Variants in HSF2 observed in about 807,000 individuals in gnomAD.
HSF2 encodes heat shock transcription factor 2, also known as heat shock factor protein 2.
In HSF2, 21 loss-of-function variants were observed where a neutral mutation model predicts 65.0. The observed-to-expected ratio is 0.32, with a 90% CI of 0.23 to 0.47. The LOEUF (loss-of-function observed/expected upper bound fraction) is 0.47, where lower values mean the gene tolerates loss of function less well. HSF2 is among the 20% of genes least tolerant of loss of function. HSF2 has a pLI of 1.00. For synonymous variants in HSF2, 225 were observed against 219.1 expected (o/e 1.03, Z -0.24); for missense variants, 499 against 628.1 (o/e 0.79, Z 2.20).
rs752436093 is a variant in HSF2, at chr6:122,420,156, T to C, written c.615T>C (p.Asn205=). Residue 205 remains asparagine, a synonymous_variant, in exon 7 of 13, where the codon AAT becomes AAC. Coordinates refer to ENST00000368455, the MANE Select transcript of HSF2 (RefSeq NM_004506.4). ...KRKRPLLLNT[N]GAQKKNLFQH... ...TCAGGCCTCTACTTCTAAACACTAA[T>C]GGAGCCCAAAAGAAGAACCTGTTTC... is the stretch of plus-strand genomic sequence containing the variant. 1 of 1,611,118 alleles carries C rather than the reference T, an allele frequency of 6.2e-7. No homozygotes were observed. The highest frequency in any genetic ancestry group is 8.5e-7 in the Non-Finnish European group (1 of 1,178,316).
chr6:122,401,607 A>C (rs538622712), intron 1 of HSF2, among the ~76,000 whole-genome samples: 60 of 152,336 alleles, frequency 3.9e-4, no homozygotes, highest in African/African-American at 1.3e-3. Flanking sequence ...CCAAATAAAC[A>C]AGCCACTTAA....
intron 11 of HSF2, 88 bp downstream of exon 11, chr6:122,428,044 C>A: frequency 1.4e-6 from 1 of 719,186 alleles, no homozygotes; most frequent in Non-Finnish European, 2.3e-6. Context: ...TCACTCCCAG[C>A]CACAAAAAGC....
At chr6:122,427,982 G>T (rs771437066) in intron 11 of HSF2, 26 bp downstream of exon 11, 2 of 1,491,810 alleles carry the variant, frequency 1.3e-6, no homozygotes, top group East Asian at 4.7e-5. Context: ...TGTTGCTCAG[G>T]ACCCATAGCT....
rs142200038 is a variant in HSF2 at position 122,432,071 on chromosome 6, G to T, written c.1462G>T (p.Asp488Tyr). The T allele has an allele frequency of 9.3e-6, 15 of 1,613,950 alleles. No individual in the cohort carries two copies. The highest frequency in any genetic ancestry group is 1.2e-5 in the Non-Finnish European group (14 of 1,179,976). ...DKPIEVDELL[D>Y]SSLDPEPTQS... is the part of the protein sequence containing the mutation. ...ACCCATAGAAGTTGATGAGCTTCTG[G>T]ATAGCAGCCTAGACCCAGAACCAAC... The change falls in exon 13 of 13, where the codon GAT (aspartate) becomes TAT (tyrosine). Residue 488 changes from aspartate to tyrosine, a missense_variant. By Grantham distance (160) the Asp-to-Tyr change is radical. Around this residue, in one of 2 missense-constraint regions of HSF2, gnomAD observed 349 missense variants for 393.5 expected, o/e 0.89. Transcript: ENST00000368455.
chr6:122,424,408 T>C (rs1364919793), intron 10 of HSF2, among the ~76,000 whole-genome samples: 2 of 152,092 alleles, frequency 1.3e-5, no homozygotes, highest in Non-Finnish European at 2.9e-5. Flanking sequence ...AAAATTTTGT[T>C]GTCTTTTTTT....
intron 11 of HSF2, among the ~76,000 whole-genome samples, chr6:122,429,051 A>C (rs549000192): frequency 3.3e-5 from 5 of 152,238 alleles, no homozygotes; most frequent in Non-Finnish European, 4.4e-5. Context: ...AATATGTAAA[A>C]GAATGTGTGG....
chr6:122,411,577 TTTGA>T (rs1259022644), intron 1 of HSF2, among the ~76,000 whole-genome samples: 1 of 151,966 alleles, frequency 6.6e-6, no homozygotes, highest in African/African-American at 2.4e-5. Flanking sequence ...TGTTTAGGTC[TTTGA>T]TTGATTTGAA....
rs1266216322 is a variant in HSF2 at position 122,432,977 on chromosome 6, G to A, written c.*757G>A. The A allele has an allele frequency of 6.6e-6, 1 of 152,090 alleles. No homozygotes were observed. The highest frequency in any genetic ancestry group is 1.5e-5 in the Non-Finnish European group (1 of 68,000). 9.4% of individuals were successfully genotyped at this position (152,090 alleles called of 1,614,324 possible). Reference sequence around the variant, plus strand: ...TGTTGAGTACTAGTGTCTGTTATGTGTCTTCTTTAGAGGTGACACTCACAT... The same window carrying A: ...TGTTGAGTACTAGTGTCTGTTATGTATCTTCTTTAGAGGTGACACTCACAT... On this transcript the variant is annotated 3_prime_UTR_variant, in exon 13 of 13. Coordinates refer to ENST00000368455, the MANE Select transcript of HSF2 (RefSeq NM_004506.4).
chr6:122,412,541 T>C, intron 2 of HSF2, 60 bp downstream of exon 2: 1 of 1,548,252 alleles, frequency 6.5e-7, no homozygotes. Flanking sequence ...AGCCATTTTT[T>C]TTCCCATTAG....
intron 1 of HSF2, among the ~76,000 whole-genome samples, chr6:122,409,840 G>A (rs772081179): frequency 4.6e-5 from 7 of 151,834 alleles, no homozygotes; most frequent in Non-Finnish European, 1.0e-4. Flanking sequence ...GTCTCCAAAA[G>A]CTTGCTTGTA....
chr6:122,422,450 A>T (rs1009780821), intron 8 of HSF2, 152 bp downstream of exon 8: 21 of 738,354 alleles, frequency 2.8e-5, no homozygotes, highest in Non-Finnish European at 4.3e-5. Flanking sequence ...ATTCAACCAG[A>T]TAAAACCTCA....
intron 6 of HSF2, among the ~76,000 whole-genome samples, chr6:122,419,886 T>C (rs996360524): frequency 2.6e-4 from 40 of 152,214 alleles, no homozygotes; most frequent in Non-Finnish European, 3.5e-4. Flanking sequence ...CAATGAAGTA[T>C]AACTGGAGAG....
intron 1 of HSF2, among the ~76,000 whole-genome samples, chr6:122,401,431 G>A (rs1193944449): frequency 6.6e-6 from 1 of 152,062 alleles, no homozygotes; most frequent in African/African-American, 2.4e-5. Flanking sequence ...CAGAAATAGG[G>A]GCTATATATA....
At chr6:122,403,091 G>A (rs763311532) in intron 1 of HSF2, among the ~76,000 whole-genome samples, 10 of 151,726 alleles carry the variant, frequency 6.6e-5, no homozygotes, top group South Asian at 4.2e-4. Flanking sequence ...TACCAATTGC[G>A]TTTTGGAAAA....
intron 11 of HSF2, among the ~76,000 whole-genome samples, chr6:122,429,406 C>T (rs1340739494): frequency 1.3e-5 from 2 of 152,060 alleles, no homozygotes; most frequent in African/African-American, 2.4e-5. Flanking sequence ...AGAAAAATTA[C>T]ATTTGAGAGT....
At chr6:122,404,665 A>T (rs1217873232) in intron 1 of HSF2, among the ~76,000 whole-genome samples, 2 of 152,170 alleles carry the variant, frequency 1.3e-5, no homozygotes, top group Non-Finnish European at 2.9e-5. Context: ...GTAAGGTTTA[A>T]GGAGAAGGTG....
At chr6:122,408,415 CTG>C (rs1773914508) in intron 1 of HSF2, among the ~76,000 whole-genome samples, 1 of 150,644 alleles carries the variant, frequency 6.6e-6, no homozygotes, top group Non-Finnish European at 1.5e-5. Context: ...ATCGATATCT[CTG>C]TGTTGTGTAT....
intron 7 of HSF2, among the ~76,000 whole-genome samples, chr6:122,420,816 A>G (rs1015471288): frequency 7.0e-6 from 1 of 143,630 alleles, no homozygotes; most frequent in Non-Finnish European, 1.5e-5. Context: ...GGCCCAGGCA[A>G]TTCTCCTGCC....
In HSF2 at chr6:122,416,266, G is replaced by A; in HGVS notation, c.501G>A (p.Lys167=). ...LWKEVSELRA[K]HAQQQQVIRK... ...AGGAGGTGTCAGAATTACGAGCAAA[G>A]CATGCACAACAGCAACAAGTTATTC... Residue 167 remains lysine, a synonymous_variant, in exon 5 of 13, where the codon AAG becomes AAA. Transcript: ENST00000368455. 1.9e-6 allele frequency: 3 copies of A among 1,611,934 alleles called. No homozygotes were observed. Among genetic ancestry groups the A allele is most frequent in the Non-Finnish European group, 2.5e-6 (3 of 1,178,206 alleles).
Sources: allele counts gnomAD v4.1 joint callset (sites outside exome capture counted in the v4.1 genomes callset), GRCh38; gene constraint gnomAD v4.1.1; regional missense constraint gnomAD v4.1.1; transcripts MANE v1.5; gene names NCBI Gene and HGNC (gene_info 2026-07-23, HGNC 2026-07-21).